The following FMN2 variants were observed in gnomAD, a reference collection of about 807,000 sequenced individuals.
The protein encoded by FMN2 is formin 2.
A neutral mutation model predicts 142.3 loss-of-function variants in FMN2; 51 were observed. The observed-to-expected ratio is 0.36, with a 90% CI of 0.29 to 0.45. The LOEUF is 0.45. FMN2 is among the 20% of genes least tolerant of loss of function. FMN2 has a pLI of 1.00. For synonymous variants in FMN2, 882 were observed against 869.8 expected (o/e 1.01, Z -0.25); for missense variants, 1,936 against 2,122.8 (o/e 0.91, Z 1.73).
chr1:240,154,996 C>T (rs1479125636), intron 2 of FMN2, among the ~76,000 whole-genome samples: 2 of 151,498 alleles, frequency 1.3e-5, no homozygotes, highest in Admixed American at 6.6e-5. Context: ...AAGCAATCCC[C>T]CCCCCGACCT....
At chr1:240,370,237 A>G (rs1465987967) in intron 14 of FMN2, among the ~76,000 whole-genome samples, 2 of 152,032 alleles carry the variant, frequency 1.3e-5, no homozygotes, top group Non-Finnish European at 2.9e-5. Flanking sequence ...TGCATTCAAT[A>G]TTACTTTACC....
At position 240,149,649 on chromosome 1, in the gene FMN2, G is replaced by A. The variant is rs148555955; in HGVS notation, c.1782+26304G>A. 7.2e-5 allele frequency among the ~76,000 whole-genome samples: 11 copies of A among 152,190 alleles called. 1 individual carries two copies. The East Asian group carries it at 1.4e-3, about 19-fold the overall frequency. ...GAAATTTCTTCTCATTCATGCACAG[G>A]GATTCTAGTGTCAAATTTTTAGCTC... On this transcript the variant is annotated intron_variant, in intron 2 of 17. Transcript: ENST00000319653.
At chr1:240,415,319 A>G (rs924015655) in intron 15 of FMN2, among the ~76,000 whole-genome samples, 51 of 152,132 alleles carry the variant, frequency 3.4e-4, no homozygotes, top group African/African-American at 1.2e-3. Flanking sequence ...CTCACTCATA[A>G]GTGGGAGTTG....
chr1:240,123,449 G>A (rs1250592744), intron 2 of FMN2, 104 bp downstream of exon 2: 3 of 1,129,086 alleles, frequency 2.7e-6, no homozygotes, highest in Non-Finnish European at 3.5e-6. Context: ...AACAACATGT[G>A]ATTCAAGCAT....
intron 15 of FMN2, 139 bp from the exon 16 acceptor site, chr1:240,437,922 T>C (rs2356385): frequency 0.11 from 111,046 of 1,013,178 alleles, 9,743 homozygotes; most frequent in African/African-American, 0.35. Context: ...AGAGAGCTAC[T>C]GTTGGTGCTT....
At chr1:240,284,342 G>T (rs78907757) in intron 7 of FMN2, among the ~76,000 whole-genome samples, 1,785 of 152,092 alleles carry the variant, frequency 0.012, 13 homozygotes, top group Non-Finnish European at 0.019. Flanking sequence ...TTTTAAGCTG[G>T]GGGGGAGGAT....
At chr1:240,131,299 G>A (rs542603347) in intron 2 of FMN2, among the ~76,000 whole-genome samples, 1 of 152,188 alleles carries the variant, frequency 6.6e-6, no homozygotes, top group Non-Finnish European at 1.5e-5. Flanking sequence ...GATATTTATA[G>A]TACAAGGAGC....
Position 240,092,723 on chromosome 1 carries a change from T to TGCAGCA in FMN2, c.632_637dup (p.Gln211_Gln212dup), listed in dbSNP as rs565189382. ...TCAGACATCCAGCAGGCGATCCGCCTGCAGCAGCAGCAGCAGCAGCAGCTC... is the reference window on the plus strand; with the variant it reads ...TCAGACATCCAGCAGGCGATCCGCCTGCAGCAGCAGCAGCAGCAGCAGCAGCAGCTC... On this transcript the variant is annotated inframe_insertion, in exon 1 of 18. Transcript: ENST00000319653. 5.5e-5 allele frequency: 88 copies of TGCAGCA among 1,612,828 alleles called. No homozygotes were observed. The highest frequency in any genetic ancestry group is 4.7e-4 in the East Asian group (21 of 44,862).
chr1:240,437,549 A>T (rs369219151), intron 15 of FMN2, among the ~76,000 whole-genome samples: 5 of 151,832 alleles, frequency 3.3e-5, no homozygotes, highest in African/African-American at 1.2e-4. Context: ...TGATCCACCC[A>T]CCTTGGCCTC....
intron 15 of FMN2, among the ~76,000 whole-genome samples, chr1:240,405,456 T>C (rs372408670): frequency 3.3e-5 from 5 of 152,100 alleles, no homozygotes; most frequent in African/African-American, 9.6e-5. Context: ...CTGTCTCTAC[T>C]AAAAATACAA....
intron 8 of FMN2, among the ~76,000 whole-genome samples, chr1:240,304,926 G>A (rs1268876827): frequency 6.6e-6 from 1 of 152,210 alleles, no homozygotes; most frequent in Non-Finnish European, 1.5e-5. Flanking sequence ...TTTGGAAGTT[G>A]TAAGACCAAC....
At chr1:240,184,518 T>A (rs7520227) in intron 3 of FMN2, among the ~76,000 whole-genome samples, 27,656 of 100,664 alleles carry the variant, frequency 0.27, 2,629 homozygotes, top group African/African-American at 0.36. Context: ...GCCCGGCCTG[T>A]TTTTTTTTTT....
intron 3 of FMN2, among the ~76,000 whole-genome samples, chr1:240,181,527 T>C (rs1284434692): frequency 1.3e-5 from 2 of 152,192 alleles, no homozygotes; most frequent in African/African-American, 2.4e-5. Context: ...GCTGAGGCCA[T>C]GGTGAGGTCT....
At chr1:240,179,118 T>C (rs1355399897) in intron 3 of FMN2, among the ~76,000 whole-genome samples, 1 of 152,184 alleles carries the variant, frequency 6.6e-6, no homozygotes, top group Non-Finnish European at 1.5e-5. Flanking sequence ...TGTGTAGGGC[T>C]GTTATGAGAA....
intron 1 of FMN2, among the ~76,000 whole-genome samples, chr1:240,114,541 C>T (rs1661943220): frequency 6.6e-6 from 1 of 152,110 alleles, no homozygotes; most frequent in Non-Finnish European, 1.5e-5. Context: ...CCTTTCTTTG[C>T]AAGAGTTTCA....
chr1:240,298,485 C>G (rs6661974), intron 8 of FMN2, among the ~76,000 whole-genome samples: 13,965 of 152,222 alleles, frequency 0.092, 888 homozygotes, highest in East Asian at 0.28. Flanking sequence ...GTCCTCAACC[C>G]TCAGGCCAAG....
chr1:240,323,545 C>G (rs1226703412), intron 8 of FMN2, among the ~76,000 whole-genome samples: 1 of 152,134 alleles, frequency 6.6e-6, no homozygotes, highest in Non-Finnish European at 1.5e-5. Flanking sequence ...CCTGACCTTC[C>G]TTATTTATGG....
chr1:240,170,299 G>A, intron 2 of FMN2: 2 of 1,093,642 alleles, frequency 1.8e-6, no homozygotes. Flanking sequence ...TGCCACTGCA[G>A]TTTGCCATAC....
In FMN2 at chr1:240,265,917, G is replaced by GTT. The variant is rs34557711; in HGVS notation, c.4153+7899_4153+7900dup. Among the ~76,000 whole-genome samples the GTT allele has an allele frequency of 8.6e-3, 1,174 of 135,856 alleles. 12 individuals carry two copies. Among genetic ancestry groups the GTT allele is most frequent in the African/African-American group, 0.023 (861 of 36,990 alleles). The allele number at this position is 135,856 out of a possible 152,430, so 89.1% of individuals were successfully genotyped here. A position where few individuals can be genotyped will look rare whatever the true frequency, so the allele number is the denominator to read the frequency against. ...TAAGAGAGATAACTTAAAGGGGTTT[G>GTT]TTTTTTTTTTTTTTTCCTTTTTTCA... On this transcript the variant is annotated intron_variant, in intron 7 of 17. Transcript: ENST00000319653.
Sources: allele counts gnomAD v4.1 joint callset (sites outside exome capture counted in the v4.1 genomes callset), GRCh38; gene constraint gnomAD v4.1.1; transcripts MANE v1.5; gene names NCBI Gene and HGNC (gene_info 2026-07-23, HGNC 2026-07-21).